Variants in TBC1D22A observed in about 807,000 individuals in gnomAD.
The protein encoded by TBC1D22A is putative GTPase activator.
TBC1D22A carries 38 observed loss-of-function variants against 60.2 expected under a neutral mutation model. That is an observed-to-expected ratio of 0.63 (90% confidence interval 0.49 to 0.83). TBC1D22A has a LOEUF of 0.83. TBC1D22A is among the 40% of genes least tolerant of loss of function. TBC1D22A has a pLI of 0.00. For synonymous variants in TBC1D22A, 302 were observed against 281.7 expected (o/e 1.07, Z -0.72); for missense variants, 628 against 701.0 (o/e 0.90, Z 1.18).
intron 4 of TBC1D22A, among the ~76,000 whole-genome samples, chr22:46,871,406 T>C (rs143072941): frequency 6.6e-6 from 1 of 152,244 alleles, no homozygotes; most frequent in African/African-American, 2.4e-5. Context: ...TAACTGATAA[T>C]GCACGTCCTT....
chr22:46,981,161 C>T (rs1404005573), intron 9 of TBC1D22A, among the ~76,000 whole-genome samples: 1 of 152,192 alleles, frequency 6.6e-6, no homozygotes, highest in Admixed American at 6.5e-5. Context: ...GTATCACTGC[C>T]AGTGGATACA....
At chr22:46,874,957 C>T (rs1435988936) in intron 4 of TBC1D22A, among the ~76,000 whole-genome samples, 1 of 152,102 alleles carries the variant, frequency 6.6e-6, no homozygotes, top group Non-Finnish European at 1.5e-5. Context: ...CTTATAGATG[C>T]TGGATGTCAG....
chr22:46,943,961 C>T (rs578070656), intron 8 of TBC1D22A, among the ~76,000 whole-genome samples: 2 of 152,296 alleles, frequency 1.3e-5, no homozygotes, highest in African/African-American at 2.4e-5. Context: ...AATGGATGGA[C>T]ATTTGGGTTG....
chr22:46,974,678 A>G (rs2148132021), intron 9 of TBC1D22A, among the ~76,000 whole-genome samples: 1 of 152,310 alleles, frequency 6.6e-6, no homozygotes, highest in East Asian at 1.9e-4. Flanking sequence ...GACTGTAGCC[A>G]CCACCACCAA....
rs75999364 is a variant in TBC1D22A at position 47,052,877 on chromosome 22, C to G, written c.1329+15679C>G. Among the ~76,000 whole-genome samples, 1,359 of 152,350 alleles carry G rather than the reference C, an allele frequency of 8.9e-3. 21 individuals are homozygous for G. Among genetic ancestry groups the G allele is most frequent in the African/African-American group, 0.031 (1,296 of 41,586 alleles). On this transcript the variant is annotated intron_variant, in intron 11 of 12. Transcript: ENST00000337137. ...GTGTTGGCACATCACTGCCACATGG[C>G]TGGCCCTCTGTGGTACCCGGTATCC...
intron 11 of TBC1D22A, among the ~76,000 whole-genome samples, chr22:47,081,977 G>C (rs2064485252): frequency 6.6e-6 from 1 of 152,130 alleles, no homozygotes; most frequent in Non-Finnish European, 1.5e-5. Context: ...GGCCAAGGTG[G>C]TGAAACCCCG....
rs768595674 is a variant in TBC1D22A, at chr22:46,938,720, G to A, written c.1015+26532G>A. Among the ~76,000 whole-genome samples, 63 of 151,782 alleles carry A rather than the reference G, an allele frequency of 4.2e-4. 1 individual carries two copies. The highest frequency in any genetic ancestry group is 3.5e-4 in the Non-Finnish European group (24 of 67,976). Reference sequence around the variant, plus strand: ...CCTGCCTCAGCCTGCAGGGTAGCTGGGATTACAGGCACCTGCCACCATGCC... The same window carrying A: ...CCTGCCTCAGCCTGCAGGGTAGCTGAGATTACAGGCACCTGCCACCATGCC... On this transcript the variant is annotated intron_variant, in intron 8 of 12. Transcript: ENST00000337137.
chr22:46,847,308 T>C (rs1231544437), intron 4 of TBC1D22A, among the ~76,000 whole-genome samples: 1 of 152,216 alleles, frequency 6.6e-6, no homozygotes, highest in Non-Finnish European at 1.5e-5. Context: ...TGGAGAGTTG[T>C]AAAGGCCAGA....
chr22:47,103,282 G>A (rs1047527164), intron 11 of TBC1D22A, among the ~76,000 whole-genome samples: 5 of 152,214 alleles, frequency 3.3e-5, no homozygotes, highest in African/African-American at 1.2e-4. Context: ...ACTGGACCAT[G>A]ACAGTGTGGC....
chr22:46,960,300 T>C (rs1411400048), intron 8 of TBC1D22A, among the ~76,000 whole-genome samples: 2 of 152,144 alleles, frequency 1.3e-5, no homozygotes, highest in South Asian at 4.2e-4. Context: ...TTTGCTCTGT[T>C]GCCCAGGCTG....
chr22:47,124,474 C>T (rs1281101422), intron 12 of TBC1D22A, among the ~76,000 whole-genome samples: 2 of 152,232 alleles, frequency 1.3e-5, no homozygotes, highest in Non-Finnish European at 2.9e-5. Flanking sequence ...TGGGACCTTG[C>T]CTCTTCTTGA....
chr22:46,825,289 C>G (rs527390589), intron 4 of TBC1D22A, among the ~76,000 whole-genome samples: 324 of 152,230 alleles, frequency 2.1e-3, no homozygotes, highest in African/African-American at 7.3e-3. Flanking sequence ...CTGAACCCCG[C>G]CGTGCCCATG....
chr22:47,005,751 T>C (rs1291972346), intron 10 of TBC1D22A, among the ~76,000 whole-genome samples: 2 of 150,648 alleles, frequency 1.3e-5, no homozygotes, highest in Admixed American at 6.6e-5. Context: ...CACTCCCGTA[T>C]ACACACACAC....
intron 8 of TBC1D22A, among the ~76,000 whole-genome samples, chr22:46,939,958 A>G (rs1403061702): frequency 6.6e-6 from 1 of 152,204 alleles, no homozygotes; most frequent in African/African-American, 2.4e-5. Context: ...TTCAAGGGAT[A>G]TTGCCCATTT....
chr22:47,061,058 G>A (rs950115166), intron 11 of TBC1D22A, among the ~76,000 whole-genome samples: 4 of 151,784 alleles, frequency 2.6e-5, no homozygotes, highest in Non-Finnish European at 4.4e-5. Context: ...TGTCTTCCTC[G>A]GTGCCCTCAC....
chr22:46,931,892 TA>T (rs1290881105), intron 8 of TBC1D22A, among the ~76,000 whole-genome samples: 1 of 152,276 alleles, frequency 6.6e-6, no homozygotes, highest in African/African-American at 2.4e-5. Flanking sequence ...TAATGGACTT[TA>T]AAAGCTTAAT....
chr22:46,954,693 G>A (rs957579480), intron 8 of TBC1D22A, among the ~76,000 whole-genome samples: 4 of 152,172 alleles, frequency 2.6e-5, no homozygotes, highest in East Asian at 1.9e-4. Context: ...CAGCTGATTC[G>A]TTTGGGCTGG....
chr22:46,869,547 C>A (rs2067211319), intron 4 of TBC1D22A, among the ~76,000 whole-genome samples: 1 of 152,198 alleles, frequency 6.6e-6, no homozygotes, highest in African/African-American at 2.4e-5. Context: ...AGGCAGCTTA[C>A]ACAGGGGGCA....
At chr22:46,975,472 C>T (rs555763456) in intron 9 of TBC1D22A, among the ~76,000 whole-genome samples, 42 of 152,206 alleles carry the variant, frequency 2.8e-4, no homozygotes, top group African/African-American at 8.9e-4. Context: ...CACGGGTGTT[C>T]GCATGTAGAT....
Sources: allele counts gnomAD v4.1 joint callset (sites outside exome capture counted in the v4.1 genomes callset), GRCh38; gene constraint gnomAD v4.1.1; transcripts MANE v1.5; gene names NCBI Gene and HGNC (gene_info 2026-07-23, HGNC 2026-07-21).